The following CFAP43 variants were observed in gnomAD, a reference collection of about 807,000 sequenced individuals.
CFAP43 encodes cilia and flagella associated protein 43, also known as cilia- and flagella-associated protein 43.
In CFAP43, 155 loss-of-function variants were observed where a neutral mutation model predicts 218.9. The ratio of observed to expected loss-of-function variants is 0.71; its 90% CI spans 0.62 to 0.81. CFAP43 has a LOEUF of 0.81. Among genes scored for constraint, CFAP43 ranks in the 30% least tolerant of loss-of-function variants. CFAP43 has a pLI of 0.00. For missense variants in CFAP43, 1,778 were observed against 1,954.3 expected (o/e 0.91, Z 1.70); for synonymous variants, 645 against 681.3 (o/e 0.95, Z 0.83).
At chr10:104,216,783 G>A (rs559113308) in intron 3 of CFAP43, among the ~76,000 whole-genome samples, 1 of 151,978 alleles carries the variant, frequency 6.6e-6, no homozygotes, top group African/African-American at 2.4e-5. Flanking sequence ...AAGGTAATAC[G>A]CCCTCATACT....
Position 104,182,421 on chromosome 10 carries a change from T to C in CFAP43, c.2234A>G (p.Tyr745Cys), listed in dbSNP as rs2089879351. The C allele has an allele frequency of 8.1e-6, 13 of 1,612,098 alleles. No homozygotes were observed. Among genetic ancestry groups the C allele is most frequent in the African/African-American group, 1.3e-5 (1 of 74,796 alleles). Residue 745 changes from tyrosine (Y) to cysteine (C), a missense_variant, in exon 17 of 38, where the codon TAT becomes TGT. This residue lies in a region of CFAP43 where 1,553 missense variants were observed against 1,685.2 expected (regional missense o/e 0.92). Coordinates refer to ENST00000357060, the MANE Select transcript of CFAP43 (RefSeq NM_025145.7). ...LSSAMDKENHYLSTTPKVSVD... is the reference protein window; with the variant it reads ...LSSAMDKENHCLSTTPKVSVD... ...GGAAACTTTTGGTGTTGTGCTTAAA[T>C]AATGATTCTCCTTGTCCATGGCGCT...
At chr10:104,158,661 A>G (rs1318032773) in intron 27 of CFAP43, among the ~76,000 whole-genome samples, 2 of 152,204 alleles carry the variant, frequency 1.3e-5, no homozygotes, top group African/African-American at 4.8e-5. Flanking sequence ...GTTATGAAGG[A>G]CACTACTTGG....
chr10:104,197,744 T>G (rs1487127585), intron 9 of CFAP43, among the ~76,000 whole-genome samples, 178 bp downstream of exon 9: 1 of 152,208 alleles, frequency 6.6e-6, no homozygotes, highest in African/African-American at 2.4e-5. Flanking sequence ...GGGGGTAGAT[T>G]TGAAGATGGA....
In CFAP43 at chr10:104,182,416, T is replaced by C; in HGVS notation, c.2239A>G (p.Ser747Gly). ...TCTACGGAAACTTTTGGTGTTGTGCTTAAATAATGATTCTCCTTGTCCATG... is the reference window on the plus strand; with the variant it reads ...TCTACGGAAACTTTTGGTGTTGTGCCTAAATAATGATTCTCCTTGTCCATG... ...SAMDKENHYL[S>G]TTPKVSVDLG... is the part of the protein sequence containing the mutation. The change falls in exon 17 of 38, where the codon AGC (serine) becomes GGC (glycine). Residue 747 changes from serine (S) to glycine (G), a missense_variant. Ser to Gly is a moderately conservative substitution (Grantham distance 56). Coordinates refer to ENST00000357060, the MANE Select transcript of CFAP43 (RefSeq NM_025145.7). 6.2e-7 allele frequency: 1 copy of C among 1,612,206 alleles called. No individual in the cohort carries two copies. The highest frequency in any genetic ancestry group is 1.3e-5 in the African/African-American group (1 of 74,926).
chr10:104,192,236 G>T lies in CFAP43; in HGVS notation c.1509C>A (p.Ala503=). Residue 503 remains alanine, a synonymous_variant, in exon 12 of 38, where the codon GCC becomes GCA. Coordinates refer to ENST00000357060, the MANE Select transcript of CFAP43 (RefSeq NM_025145.7). The part of the protein sequence containing the change: ...TAEGKVFIIN[A]NSSSSFQIIG... ...TAATCTGAAATGAGCTTGAGGAGTTGGCATTGATAATAAAGACTTTTCCTT... is the reference window on the plus strand; with the variant it reads ...TAATCTGAAATGAGCTTGAGGAGTTTGCATTGATAATAAAGACTTTTCCTT... 1 of 1,612,830 alleles carries T rather than the reference G, an allele frequency of 6.2e-7. No homozygotes were observed. Among genetic ancestry groups the T allele is most frequent in the Non-Finnish European group, 8.5e-7 (1 of 1,179,564 alleles).
At chr10:104,181,147 A>C (rs2089828137) in intron 17 of CFAP43, among the ~76,000 whole-genome samples, 2 of 152,114 alleles carry the variant, frequency 1.3e-5, no homozygotes, top group Admixed American at 1.3e-4. Flanking sequence ...TTCTCTTCAT[A>C]GCTGCCCCCT....
intron 21 of CFAP43, 103 bp downstream of exon 21, chr10:104,168,641 G>A (rs755188488): frequency 8.8e-6 from 8 of 910,310 alleles, no homozygotes; most frequent in Non-Finnish European, 1.2e-5. Flanking sequence ...CATGCTCTCA[G>A]TGCTTTGCTA....
In CFAP43 at chr10:104,183,653, T is replaced by G. The variant is rs368120514; in HGVS notation, c.2142-1140A>C. 5.3e-5 allele frequency among the ~76,000 whole-genome samples: 8 copies of G among 152,286 alleles called. No individual in the cohort carries two copies. The East Asian group carries it at 1.5e-3, about 29-fold the overall frequency. ...ATCCACCCGCCTCAGCCTCCCAAAG[T>G]GCTGGGATTACAGGCGTGAGCCACT... On this transcript the variant is annotated intron_variant, in intron 16 of 37. Transcript: ENST00000357060.
chr10:104,155,711 G>A (rs2088506917), intron 27 of CFAP43, among the ~76,000 whole-genome samples: 1 of 152,152 alleles, frequency 6.6e-6, no homozygotes, highest in Non-Finnish European at 1.5e-5. Flanking sequence ...AAAGTGGTGA[G>A]AATGTGAGTC....
At chr10:104,204,075 C>T (rs1316610619) in intron 7 of CFAP43, among the ~76,000 whole-genome samples, 1 of 152,116 alleles carries the variant, frequency 6.6e-6, no homozygotes, top group Non-Finnish European at 1.5e-5. Context: ...TCTAGTATCC[C>T]TCTTCTTACT....
At chr10:104,186,144 C>A in intron 14 of CFAP43, 21 bp from the exon 15 acceptor site, 2 of 1,462,712 alleles carry the variant, frequency 1.4e-6, no homozygotes, top group Non-Finnish European at 1.8e-6. Flanking sequence ...AAGAAAATAA[C>A]CACATTATAG....
chr10:104,165,280 G>A (rs2089095691), intron 23 of CFAP43, among the ~76,000 whole-genome samples: 1 of 152,148 alleles, frequency 6.6e-6, no homozygotes, highest in Non-Finnish European at 1.5e-5. Flanking sequence ...TCCTACTGAA[G>A]ATGAAACCAT....
intron 13 of CFAP43, 109 bp downstream of exon 13, chr10:104,188,161 G>A (rs2090091489): frequency 1.5e-6 from 2 of 1,370,210 alleles, no homozygotes; most frequent in East Asian, 4.7e-5. Context: ...ACAAAAGGTG[G>A]CCATTTTACC....
Position 104,230,773 on chromosome 10 carries a change from T to C in CFAP43, c.136A>G (p.Asn46Asp), listed in dbSNP as rs778746128. Residue 46 changes from asparagine to aspartate, a missense_variant, in exon 2 of 38, where the codon AAT (asparagine) becomes GAT (aspartate). By Grantham distance (23) the Asn-to-Asp change is conservative. This residue lies in a region of CFAP43 where 1,553 missense variants were observed against 1,685.2 expected (regional missense o/e 0.92). Coordinates refer to ENST00000357060, the MANE Select transcript of CFAP43 (RefSeq NM_025145.7). ...NDNTICYPCG[N>D]YVIFINIETK... ...TCAATATTAATAAATATTACATAAT[T>C]CCCACAAGGGTAGCAAATGGTGTTG... 2.5e-6 allele frequency: 4 copies of C among 1,613,888 alleles called. No homozygotes were observed. In the East Asian group the frequency reaches 8.9e-5, roughly 36 times the overall value.
intron 3 of CFAP43, among the ~76,000 whole-genome samples, chr10:104,219,188 C>G (rs1192355029): frequency 6.6e-6 from 1 of 151,910 alleles, no homozygotes; most frequent in Non-Finnish European, 1.5e-5. Context: ...CCTAAGTTGC[C>G]CAAGTCACAC....
Position 104,193,857 on chromosome 10 carries a change from A to G in CFAP43, c.1442+9T>C. 1 of 1,612,780 alleles carries G rather than the reference A, an allele frequency of 6.2e-7. No homozygotes were observed. The highest frequency in any genetic ancestry group is 8.5e-7 in the Non-Finnish European group (1 of 1,179,226). ...CACGGAGCCGCTCCTGGAGGCAGAA[A>G]GGACTTACACGACGTGCTGCACGGA... is the stretch of plus-strand genomic sequence containing the variant. On this transcript the variant is annotated intron_variant, in intron 11 of 37. Coordinates refer to ENST00000357060, the MANE Select transcript of CFAP43 (RefSeq NM_025145.7).
rs1222767276 is a variant in CFAP43 at position 104,140,931 on chromosome 10, C to T, written c.4342G>A (p.Glu1448Lys). ...IQILLKQGQV[E>K]LENFQLVLEY... The stretch of plus-strand genomic sequence containing the variant: ...AGTACTAGCTGGAAATTTTCCAGTT[C>T]TACTTGTCCTTGTTTAAGAAGAATT... Residue 1448 changes from glutamate to lysine, a missense_variant, in exon 34 of 38, where the codon GAA becomes AAA. Physicochemically the swap from Glu to Lys is moderately conservative, Grantham distance 56 (BLOSUM62 1). Around this residue, in one of 3 missense-constraint regions of CFAP43, gnomAD observed 14 missense variants for 38.5 expected, o/e 0.36. Coordinates refer to ENST00000357060, the MANE Select transcript of CFAP43 (RefSeq NM_025145.7). 1.2e-6 allele frequency: 2 copies of T among 1,613,332 alleles called. No homozygotes were observed. The highest frequency in any genetic ancestry group is 4.5e-5 in the East Asian group (2 of 44,816).
chr10:104,230,434 C>A (rs182754304), intron 2 of CFAP43, among the ~76,000 whole-genome samples, 156 bp downstream of exon 2: 2 of 152,256 alleles, frequency 1.3e-5, no homozygotes, highest in East Asian at 3.9e-4. Flanking sequence ...CACTGCACTC[C>A]AGCCTAGGCA....
At chr10:104,190,018 A>G (rs997207577) in intron 12 of CFAP43, among the ~76,000 whole-genome samples, 1 of 151,896 alleles carries the variant, frequency 6.6e-6, no homozygotes, top group Admixed American at 6.6e-5. Context: ...AATACAAAAA[A>G]TTAGCCTGGC....
Sources: gnomAD v4.1 joint callset for allele counts (sites outside exome capture counted in the v4.1 genomes callset) on GRCh38, gnomAD v4.1.1 for gene constraint, gnomAD v4.1.1 regional missense constraint, MANE v1.5 for transcripts, NCBI Gene and HGNC (gene_info 2026-07-23, HGNC 2026-07-21) for gene names.